The following AGBL4 variants were observed in gnomAD, a reference collection of about 807,000 sequenced individuals.
AGBL4 encodes cytosolic carboxypeptidase 6.
In AGBL4, 58 loss-of-function variants were observed where a neutral mutation model predicts 66.4. The ratio of observed to expected loss-of-function variants is 0.87; its 90% CI spans 0.71 to 1.09. AGBL4 has a LOEUF of 1.09. AGBL4 is among the 50% of genes least tolerant of loss of function. The pLI, the probability that AGBL4 is intolerant of heterozygous loss-of-function variation, is 0.00. For synonymous variants in AGBL4, 234 were observed against 222.9 expected, an observed-to-expected ratio of 1.05 and a Z score of -0.44; for missense variants, 579 against 631.0, an observed-to-expected ratio of 0.92 and a Z score of 0.88.
intron 5 of AGBL4, among the ~76,000 whole-genome samples, chr1:48,940,387 A>G (rs1571053035): frequency 6.6e-6 from 1 of 152,178 alleles, no homozygotes; most frequent in Admixed American, 6.5e-5. Flanking sequence ...TCAAGAAAAA[A>G]AAAGAAGAGT....
chr1:49,358,456 C>T (rs1488587840), intron 3 of AGBL4, among the ~76,000 whole-genome samples: 1 of 152,010 alleles, frequency 6.6e-6, no homozygotes, highest in Non-Finnish European at 1.5e-5. Context: ...TAACTCCAAC[C>T]TTCTCCCTGT....
chr1:49,488,514 C>A (rs1186503299), intron 3 of AGBL4, among the ~76,000 whole-genome samples: 1 of 151,672 alleles, frequency 6.6e-6, no homozygotes. Flanking sequence ...TTATCCATCA[C>A]CTCAAGCATT....
At chr1:49,994,584 G>A (rs61785504) in intron 1 of AGBL4, 2,585 of 152,728 alleles carry the variant, frequency 0.017, 32 homozygotes, top group Non-Finnish European at 0.027. Flanking sequence ...TGTCTCTGCA[G>A]AATATAATAA....
At chr1:48,854,268 C>A (rs1647096483) in intron 6 of AGBL4, among the ~76,000 whole-genome samples, 1 of 152,154 alleles carries the variant, frequency 6.6e-6, no homozygotes, top group Admixed American at 6.5e-5. Flanking sequence ...AGGCTGGCAT[C>A]CTGCTCCATA....
chr1:48,813,000 A>G (rs1646090234), intron 6 of AGBL4, among the ~76,000 whole-genome samples: 1 of 152,016 alleles, frequency 6.6e-6, no homozygotes, highest in African/African-American at 2.4e-5. Context: ...TAGGAGATAT[A>G]CCTAATGCTA....
chr1:49,109,438 C>T (rs1569593575), intron 4 of AGBL4, among the ~76,000 whole-genome samples: 1 of 152,216 alleles, frequency 6.6e-6, no homozygotes, highest in African/African-American at 2.4e-5. Context: ...TATTACTCTC[C>T]ACCTGGGTGG....
At chr1:49,476,881 C>A (rs1646857413) in intron 3 of AGBL4, among the ~76,000 whole-genome samples, 1 of 152,176 alleles carries the variant, frequency 6.6e-6, no homozygotes, top group Non-Finnish European at 1.5e-5. Context: ...CACAAGCTGA[C>A]TGAAGAGCCC....
chr1:48,855,269 A>C (rs1227294665), intron 6 of AGBL4, among the ~76,000 whole-genome samples: 1 of 152,170 alleles, frequency 6.6e-6, no homozygotes, highest in Non-Finnish European at 1.5e-5. Context: ...GGGACACCTG[A>C]TCCCTTCCCA....
intron 1 of AGBL4, among the ~76,000 whole-genome samples, chr1:49,938,864 G>A (rs1294965618): frequency 6.6e-6 from 1 of 152,038 alleles, no homozygotes; most frequent in Admixed American, 6.6e-5. Flanking sequence ...CAATTAGGCA[G>A]GAGAAGGAAA....
intron 3 of AGBL4, among the ~76,000 whole-genome samples, chr1:49,421,986 A>T (rs1165118993): frequency 6.6e-6 from 1 of 152,184 alleles, no homozygotes; most frequent in African/African-American, 2.4e-5. Context: ...TGTGTCTTTC[A>T]TTGCAGTAAC....
intron 3 of AGBL4, among the ~76,000 whole-genome samples, chr1:49,332,453 C>T (rs1645354000): frequency 2.6e-5 from 4 of 152,166 alleles, no homozygotes; most frequent in African/African-American, 9.7e-5. Context: ...TGGTGGAAAA[C>T]TTCATTGTTC....
At chr1:48,936,459 T>A (rs1049493922) in intron 5 of AGBL4, among the ~76,000 whole-genome samples, 3 of 152,104 alleles carry the variant, frequency 2.0e-5, no homozygotes, top group Admixed American at 1.3e-4. Flanking sequence ...GAAAAGCCAG[T>A]TGGAAGCAGT....
chr1:49,300,297 G>C (rs1644721478), intron 3 of AGBL4, among the ~76,000 whole-genome samples: 1 of 152,146 alleles, frequency 6.6e-6, no homozygotes, highest in Non-Finnish European at 1.5e-5. Flanking sequence ...TCATTACTCT[G>C]TGACCTGTGT....
intron 9 of AGBL4, among the ~76,000 whole-genome samples, chr1:48,595,292 T>C (rs1273265951): frequency 1.3e-5 from 2 of 152,158 alleles, no homozygotes; most frequent in African/African-American, 4.8e-5. Flanking sequence ...TTTTTTTCAA[T>C]CCACAGGACC....
chr1:49,773,055 C>G (rs573323403), intron 2 of AGBL4, among the ~76,000 whole-genome samples: 5 of 152,104 alleles, frequency 3.3e-5, no homozygotes, highest in Non-Finnish European at 7.4e-5. Context: ...TTTATCCTCT[C>G]ACTATTTCAA....
At chr1:49,394,803 A>C (rs777616304) in intron 3 of AGBL4, among the ~76,000 whole-genome samples, 22 of 152,182 alleles carry the variant, frequency 1.4e-4, no homozygotes, top group Admixed American at 1.1e-3. Flanking sequence ...TAAGTCAATG[A>C]GCAGCTTCAT....
intron 3 of AGBL4, among the ~76,000 whole-genome samples, chr1:49,587,012 T>C (rs17105712): frequency 0.07 from 10,709 of 151,946 alleles, 1,185 homozygotes; most frequent in African/African-American, 0.23. Context: ...AATCATCTAC[T>C]TTGAGTGGAT....
intron 3 of AGBL4, among the ~76,000 whole-genome samples, chr1:49,410,900 GTAC>G (rs1645301806): frequency 6.6e-6 from 1 of 152,168 alleles, no homozygotes. Context: ...GCCAGATGCT[GTAC>G]TAAGGGCTTT....
At chr1:48,894,709 G>T (rs1651334145) in intron 5 of AGBL4, among the ~76,000 whole-genome samples, 1 of 151,988 alleles carries the variant, frequency 6.6e-6, no homozygotes, top group Admixed American at 6.6e-5. Context: ...AAATAAATAT[G>T]AAAACATGAA....
Sources: allele counts gnomAD v4.1 joint callset (sites outside exome capture counted in the v4.1 genomes callset), GRCh38; gene constraint gnomAD v4.1.1; transcripts MANE v1.5; gene names NCBI Gene and HGNC (gene_info 2026-07-23, HGNC 2026-07-21).